The following ADAM28 variants were observed in gnomAD, a reference collection of about 807,000 sequenced individuals.
The protein encoded by ADAM28 is disintegrin and metalloproteinase domain-containing protein 28.
In ADAM28, 105 loss-of-function variants were observed where a neutral mutation model predicts 101.2. The observed-to-expected ratio is 1.04, with a 90% confidence interval of 0.89 to 1.22. The LOEUF (loss-of-function observed/expected upper bound fraction) is 1.22. ADAM28 is among the 50% of genes most tolerant of loss of function. The probability of loss-of-function intolerance (pLI) is 0.00; values close to 1 mark genes in which losing one functional copy is unlikely to be tolerated. For missense variants in ADAM28, 1,028 were observed against 945.4 expected, an observed-to-expected ratio of 1.09 and a Z score of -1.15; for synonymous variants, 322 against 310.6, an observed-to-expected ratio of 1.04 and a Z score of -0.39.
At chr8:24,311,893 C>A (rs1019531947) in intron 5 of ADAM28, among the ~76,000 whole-genome samples, 11 of 152,028 alleles carry the variant, frequency 7.2e-5, no homozygotes, top group African/African-American at 2.7e-4. Context: ...TGCCCGCCAC[C>A]ACACCTGGCT....
intron 21 of ADAM28, 73 bp downstream of exon 21, chr8:24,352,125 C>A: frequency 7.9e-7 from 1 of 1,264,008 alleles, no homozygotes; most frequent in Non-Finnish European, 1.2e-6. Flanking sequence ...TCATAGCCCA[C>A]AACACTTCAT....
At chr8:24,299,794 A>C in intron 1 of ADAM28, 180 bp from the exon 2 acceptor site, 1 of 477,128 alleles carries the variant, frequency 2.1e-6, no homozygotes, top group Non-Finnish European at 3.7e-6. Context: ...TTTAAGAGGA[A>C]AGAGTAGCTT....
At chr8:24,338,384 G>C (rs1029481805) in intron 14 of ADAM28, among the ~76,000 whole-genome samples, 1 of 152,138 alleles carries the variant, frequency 6.6e-6, no homozygotes, top group Non-Finnish European at 1.5e-5. Context: ...TGCAATATCA[G>C]CAGCAATAAC....
chr8:24,338,036 G>C (rs12234971), intron 14 of ADAM28, among the ~76,000 whole-genome samples: 1 of 151,966 alleles, frequency 6.6e-6, no homozygotes, highest in African/African-American at 2.4e-5. Flanking sequence ...AACTCCCTTC[G>C]TACACTGCTG....
Position 24,331,153 on chromosome 8 carries a change from C to G in ADAM28, c.1107C>G (p.Phe369Leu), listed in dbSNP as rs748172797. 1.9e-6 allele frequency: 3 copies of G among 1,609,190 alleles called. No individual in the cohort carries two copies. The highest frequency in any genetic ancestry group is 2.5e-6 in the Non-Finnish European group (3 of 1,177,902). Residue 369 changes from phenylalanine (F) to leucine (L), a missense_variant, in exon 12 of 23, where the codon TTC becomes TTG. Phe to Leu is a conservative substitution (Grantham distance 22). Transcript: ENST00000265769. ...TTTTCTTTCCTTATCTTCACAGCTTCTATATACCCACAGACTTCAGTTCCT... is the reference window on the plus strand; with the variant it reads ...TTTTCTTTCCTTATCTTCACAGCTTGTATATACCCACAGACTTCAGTTCCT... ...TICVMDKALS[F>L]YIPTDFSSCS... is the part of the protein sequence containing the mutation.
chr8:24,314,727 T>C (rs1563282151), intron 6 of ADAM28, among the ~76,000 whole-genome samples: 1 of 151,624 alleles, frequency 6.6e-6, no homozygotes, highest in Non-Finnish European at 1.5e-5. Flanking sequence ...ATCAAATGAG[T>C]AAAAAATAAT....
intron 21 of ADAM28, 151 bp downstream of exon 21, chr8:24,352,203 A>C: frequency 1.3e-6 from 1 of 777,102 alleles, no homozygotes; most frequent in Non-Finnish European, 2.0e-6. Context: ...TCTGCAAAAT[A>C]TTTTGAAAAT....
intron 8 of ADAM28, among the ~76,000 whole-genome samples, chr8:24,322,320 T>A (rs1421424843): frequency 1.3e-5 from 2 of 151,914 alleles, no homozygotes; most frequent in Non-Finnish European, 2.9e-5. Flanking sequence ...TGGACAAGAC[T>A]AGGTGAGGCG....
At chr8:24,318,895 C>T (rs1811510335) in intron 6 of ADAM28, among the ~76,000 whole-genome samples, 1 of 151,998 alleles carries the variant, frequency 6.6e-6, no homozygotes. Context: ...TCCACACAAT[C>T]AATCCAGTGC....
intron 20 of ADAM28, 160 bp downstream of exon 20, chr8:24,351,470 T>C (rs1233864593): frequency 1.3e-6 from 1 of 767,486 alleles, no homozygotes; most frequent in Non-Finnish European, 2.3e-6. Context: ...AAAGAGTCCC[T>C]AAAATGCCGA....
chr8:24,335,591 T>G lies in ADAM28; in HGVS notation c.1517T>G (p.Met506Arg). 6 of 1,613,598 alleles carry G rather than the reference T, an allele frequency of 3.7e-6. No homozygotes were observed. Among genetic ancestry groups the G allele is most frequent in the Non-Finnish European group, 5.1e-6 (6 of 1,179,752 alleles). ...CATCACGGGAAGGGCCACTGCTTGA[T>G]GGGGACATGCCCCACACTGCAGGAG... Reference protein sequence around the residue: ...PCHHGKGHCLMGTCPTLQEQC... With the variant: ...PCHHGKGHCLRGTCPTLQEQC... The change falls in exon 14 of 23, where the codon ATG (methionine) becomes AGG (arginine). Residue 506 changes from methionine to arginine, a missense_variant. Transcript: ENST00000265769.
intron 4 of ADAM28, among the ~76,000 whole-genome samples, chr8:24,310,827 G>T (rs569134299): frequency 6.6e-6 from 1 of 152,210 alleles, no homozygotes; most frequent in Non-Finnish European, 1.5e-5. Context: ...AACTAGAAAG[G>T]TCCTTCATGG....
intron 21 of ADAM28, among the ~76,000 whole-genome samples, chr8:24,352,989 A>C (rs1221763367): frequency 6.6e-6 from 1 of 152,156 alleles, no homozygotes; most frequent in Non-Finnish European, 1.5e-5. Context: ...TACTGTCTCC[A>C]CATCCATCGG....
chr8:24,336,763 T>C (rs1176778368), intron 14 of ADAM28, among the ~76,000 whole-genome samples: 1 of 151,724 alleles, frequency 6.6e-6, no homozygotes, highest in Non-Finnish European at 1.5e-5. Flanking sequence ...GGTCAGAGGA[T>C]ACAAAATTTA....
At chr8:24,328,712 G>A (rs1399572342) in intron 10 of ADAM28, among the ~76,000 whole-genome samples, 2 of 152,074 alleles carry the variant, frequency 1.3e-5, no homozygotes, top group African/African-American at 4.8e-5. Context: ...TGGATCACCT[G>A]AGGTCAGGAG....
intron 1 of ADAM28, among the ~76,000 whole-genome samples, chr8:24,296,711 C>A (rs1465919825): frequency 6.6e-6 from 1 of 152,134 alleles, no homozygotes; most frequent in Non-Finnish European, 1.5e-5. Flanking sequence ...TTTTGCTAGT[C>A]AAGACTAATC....
chr8:24,311,528 T>C (rs1810461334), intron 5 of ADAM28, 91 bp downstream of exon 5: 3 of 968,722 alleles, frequency 3.1e-6, no homozygotes, highest in Admixed American at 5.3e-5. Context: ...TATCATTAAT[T>C]TTTATATAGT....
intron 2 of ADAM28, among the ~76,000 whole-genome samples, chr8:24,301,632 G>A (rs998296304): frequency 2.0e-5 from 3 of 152,118 alleles, no homozygotes; most frequent in Admixed American, 6.5e-5. Context: ...TAGCTTATAC[G>A]TTTTCTAGCT....
Position 24,315,910 on chromosome 8 carries a change from C to T in ADAM28, c.576+2330C>T, listed in dbSNP as rs943255659. Among the ~76,000 whole-genome samples, 7 of 151,940 alleles carry T rather than the reference C, an allele frequency of 4.6e-5. No homozygotes were observed. The East Asian group carries it at 1.2e-3, about 25-fold the overall frequency. ...TCAACAGACTGAAAGACAAAAAATA[C>T]ATGATCATATCAATTGGTGAAAAGG... On this transcript the variant is annotated intron_variant, in intron 6 of 22. Coordinates refer to ENST00000265769, the MANE Select transcript of ADAM28 (RefSeq NM_014265.6).
Sources: allele counts gnomAD v4.1 joint callset (sites outside exome capture counted in the v4.1 genomes callset), GRCh38; gene constraint gnomAD v4.1.1; transcripts MANE v1.5; gene names NCBI Gene and HGNC (gene_info 2026-07-23, HGNC 2026-07-21).